RAB10: variants seen among roughly 807,000 people sequenced by gnomAD.
RAB10 encodes RAB10, member RAS oncogene family, also known as ras-related protein Rab-10.
RAB10 carries 5 observed loss-of-function variants against 25.7 expected under a neutral mutation model. The ratio of observed to expected loss-of-function variants is 0.19; its 90% CI spans 0.10 to 0.41. The LOEUF (loss-of-function observed/expected upper bound fraction) is 0.41, where lower values mean the gene tolerates loss of function less well. Ranked by LOEUF, RAB10 falls within the 10% of genes least tolerant of loss-of-function variation. RAB10 has a pLI of 1.00. For synonymous variants in RAB10, 89 were observed against 86.4 expected, an observed-to-expected ratio of 1.03 and a Z score of -0.16; for missense variants, 103 against 245.8, an observed-to-expected ratio of 0.42 and a Z score of 3.89.
At chr2:26,087,051 G>A (rs998691795) in intron 1 of RAB10, among the ~76,000 whole-genome samples, 2 of 152,044 alleles carry the variant, frequency 1.3e-5, no homozygotes, top group Non-Finnish European at 1.5e-5. Flanking sequence ...AGAGGTGGAG[G>A]TTACACAACA....
chr2:26,055,083 G>A (rs1666227694), intron 1 of RAB10, among the ~76,000 whole-genome samples: 1 of 148,058 alleles, frequency 6.8e-6, no homozygotes, highest in Admixed American at 6.8e-5. Context: ...GCCATTTATT[G>A]AAAAAAAAAA....
rs528871772 is a variant in RAB10, at chr2:26,102,373, A to G, written c.188+3651A>G. Among the ~76,000 whole-genome samples, 41 of 151,012 alleles carry G rather than the reference A, an allele frequency of 2.7e-4. No individual in the cohort carries two copies. In the South Asian group the frequency reaches 7.9e-3, roughly 29 times the overall value. On this transcript the variant is annotated intron_variant, in intron 2 of 5. Transcript: ENST00000264710. ...GATATTGTCTTATTTTCCAGGGCAG[A>G]TCTATATATTTTGAGATGAAATGAG...
At chr2:26,109,650 T>C in intron 2 of RAB10, 118 bp from the exon 3 acceptor site, 1 of 1,056,320 alleles carries the variant, frequency 9.5e-7, no homozygotes, top group Non-Finnish European at 1.3e-6. Context: ...AGGTTATTAA[T>C]TTCCTTCAAC....
At chr2:26,103,627 C>T (rs1667389192) in intron 2 of RAB10, among the ~76,000 whole-genome samples, 1 of 152,086 alleles carries the variant, frequency 6.6e-6, no homozygotes, top group African/African-American at 2.4e-5. Context: ...ACAATATACC[C>T]ATTTAAAACA....
rs560850616 is a variant in RAB10, at chr2:26,086,694, T to C, written c.128-11968T>C. Reference sequence around the variant, plus strand: ...GCCAAAAGGTGGAATTTAACAGCTCTATTCATAAAAGCCAAAAGGTGGAAA... The same window carrying C: ...GCCAAAAGGTGGAATTTAACAGCTCCATTCATAAAAGCCAAAAGGTGGAAA... On this transcript the variant is annotated intron_variant, in intron 1 of 5. Coordinates refer to ENST00000264710, the MANE Select transcript of RAB10 (RefSeq NM_016131.5). Among the ~76,000 whole-genome samples the C allele has an allele frequency of 1.1e-4, 17 of 152,358 alleles. No homozygotes were observed. In the East Asian group the frequency reaches 2.5e-3, roughly 22 times the overall value.
intron 1 of RAB10, among the ~76,000 whole-genome samples, chr2:26,059,847 A>C (rs1666358755): frequency 6.6e-6 from 1 of 152,232 alleles, no homozygotes; most frequent in Non-Finnish European, 1.5e-5. Flanking sequence ...ACAACACTGA[A>C]AATTGCTACT....
intron 1 of RAB10, among the ~76,000 whole-genome samples, chr2:26,087,820 G>A (rs1263860284): frequency 2.6e-5 from 4 of 152,164 alleles, no homozygotes; most frequent in Admixed American, 1.3e-4. Flanking sequence ...ACAGTGCCAG[G>A]CACATTGTAA....
At chr2:26,033,777 G>T (rs533010007), upstream of RAB10, among the ~76,000 whole-genome samples, 27 of 151,832 alleles carry the variant, frequency 1.8e-4, no homozygotes, top group Admixed American at 1.3e-4. Context: ...GGGGAGCGGG[G>T]AGCGGGAGGC....
chr2:26,085,193 A>T (rs1666949385), intron 1 of RAB10, among the ~76,000 whole-genome samples: 1 of 152,206 alleles, frequency 6.6e-6, no homozygotes, highest in Non-Finnish European at 1.5e-5. Context: ...AGGGCATATT[A>T]AAGTGAAACA....
chr2:26,088,284 A>G (rs1334201605), intron 1 of RAB10, among the ~76,000 whole-genome samples: 3 of 152,200 alleles, frequency 2.0e-5, no homozygotes, highest in South Asian at 2.1e-4. Flanking sequence ...TAAGGCAGAT[A>G]TGGTGGCTGA....
Position 26,036,828 on chromosome 2 carries a change from G to A in RAB10, c.127+2093G>A, listed in dbSNP as rs181620841. 2.8e-3 allele frequency among the ~76,000 whole-genome samples: 432 copies of A among 151,848 alleles called. 6 individuals carry two copies. The highest frequency in any genetic ancestry group is 0.022 in the South Asian group (103 of 4,784). ...ATTTTGAGACTGAGCCTCACTCTGT[G>A]GCCCAGGCTGGAGTGCAGTGGCGTG... On this transcript the variant is annotated intron_variant, in intron 1 of 5. Transcript: ENST00000264710.
chr2:26,106,885 A>G (rs866691487), intron 2 of RAB10, among the ~76,000 whole-genome samples: 1 of 151,824 alleles, frequency 6.6e-6, no homozygotes, highest in Non-Finnish European at 1.5e-5. Context: ...ACTCTGTCTC[A>G]AAAAAAGAAA....
chr2:26,036,578 G>A (rs960754997), intron 1 of RAB10, among the ~76,000 whole-genome samples: 1 of 151,848 alleles, frequency 6.6e-6, no homozygotes, highest in African/African-American at 2.4e-5. Flanking sequence ...AGAATCACTT[G>A]AACCTGGGAG....
chr2:26,117,440 C>T (rs1314532594), intron 3 of RAB10, among the ~76,000 whole-genome samples: 4 of 151,800 alleles, frequency 2.6e-5, no homozygotes, highest in Middle Eastern at 3.2e-3. Context: ...GGTGAAACCC[C>T]GTCTCTACTA....
At chr2:26,093,523 A>G (rs1338472655) in intron 1 of RAB10, among the ~76,000 whole-genome samples, 8 of 152,292 alleles carry the variant, frequency 5.3e-5, no homozygotes, top group Admixed American at 1.3e-4. Context: ...ATGTATTTAG[A>G]TTGCTTAATT....
chr2:26,059,853 C>T (rs1015854253), intron 1 of RAB10, among the ~76,000 whole-genome samples: 2 of 152,140 alleles, frequency 1.3e-5, no homozygotes, highest in Admixed American at 6.6e-5. Context: ...CTGAAAATTG[C>T]TACTGAACTG....
At chr2:26,107,820 A>G (rs1250670331) in intron 2 of RAB10, among the ~76,000 whole-genome samples, 2 of 152,030 alleles carry the variant, frequency 1.3e-5, no homozygotes, top group Non-Finnish European at 2.9e-5. Flanking sequence ...CAAAAACAAA[A>G]AACTAACAAT....
chr2:26,127,136 C>A lies in RAB10; in HGVS notation c.328-8C>A. 3.2e-6 allele frequency: 5 copies of A among 1,584,324 alleles called. No homozygotes were observed. The highest frequency in any genetic ancestry group is 4.3e-6 in the Non-Finnish European group (5 of 1,167,998). The stretch of plus-strand genomic sequence containing the variant: ...AGTATGTAAAAGTAAAATTTTATTT[C>A]ATTTTAGCATGCCAATGAAGATGTG... On this transcript the variant is annotated splice_region_variant and splice_polypyrimidine_tract_variant and intron_variant, in intron 3 of 5. Transcript: ENST00000264710.
intron 1 of RAB10, among the ~76,000 whole-genome samples, chr2:26,055,947 C>T (rs1423930399): frequency 1.3e-5 from 2 of 151,542 alleles, no homozygotes; most frequent in Non-Finnish European, 2.9e-5. Context: ...CCAGGATGAG[C>T]GCAGTGGCAC....
Sources: gnomAD v4.1 joint callset for allele counts (sites outside exome capture counted in the v4.1 genomes callset) on GRCh38, gnomAD v4.1.1 for gene constraint, MANE v1.5 for transcripts, NCBI Gene and HGNC (gene_info 2026-07-23, HGNC 2026-07-21) for gene names.